The following TCF25 variants were observed in gnomAD, a reference collection of about 807,000 sequenced individuals.
The protein encoded by TCF25 is TCF25 ribosome quality control complex subunit.
TCF25 carries 41 observed loss-of-function variants against 83.1 expected under a neutral mutation model. The ratio of observed to expected loss-of-function variants is 0.49; its 90% CI spans 0.38 to 0.64. TCF25 has a LOEUF of 0.64. Among genes scored for constraint, TCF25 ranks in the 30% least tolerant of loss-of-function variants. TCF25 has a pLI of 0.00. For missense variants in TCF25, 979 were observed against 914.5 expected, an observed-to-expected ratio of 1.07 and a Z score of -0.91; for synonymous variants, 458 against 365.0, an observed-to-expected ratio of 1.25 and a Z score of -2.90.
chr16:89,904,260 G>A, intron 13 of TCF25, 55 bp downstream of exon 13: 3 of 1,541,414 alleles, frequency 1.9e-6, no homozygotes, highest in Non-Finnish European at 2.6e-6. Flanking sequence ...CGGAGCCTGG[G>A]AGCCATTTTC....
At chr16:89,877,800 G>A (rs889050594) in intron 1 of TCF25, among the ~76,000 whole-genome samples, 2 of 152,160 alleles carry the variant, frequency 1.3e-5, no homozygotes, top group African/African-American at 4.8e-5. Flanking sequence ...GATGGGAGAG[G>A]AGTGTTCACA....
intron 12 of TCF25, among the ~76,000 whole-genome samples, chr16:89,902,902 CTCTG>C (rs1315465825): frequency 3.3e-5 from 5 of 152,200 alleles, no homozygotes; most frequent in Non-Finnish European, 4.4e-5. Flanking sequence ...GTTTCCAGGG[CTCTG>C]TCTGGGCCCC....
intron 4 of TCF25, 52 bp downstream of exon 4, chr16:89,886,018 C>A (rs1279416111): frequency 6.8e-7 from 1 of 1,477,390 alleles, no homozygotes; most frequent in Admixed American, 1.7e-5. Context: ...CTGCCCTTCT[C>A]TGCGGCTGCC....
intron 1 of TCF25, chr16:89,878,528 C>G: frequency 8.1e-7 from 1 of 1,234,052 alleles, no homozygotes. Context: ...AACTGAAATG[C>G]TGATCGAGCT....
intron 5 of TCF25, chr16:89,890,367 C>T (rs2043335166): frequency 6.6e-6 from 1 of 152,246 alleles, no homozygotes; most frequent in African/African-American, 2.4e-5. Flanking sequence ...CCAGTGCCTT[C>T]AGTAGAGTTA....
intron 1 of TCF25, among the ~76,000 whole-genome samples, chr16:89,881,379 G>T (rs896891581): frequency 2.6e-5 from 4 of 152,110 alleles, no homozygotes; most frequent in Non-Finnish European, 4.4e-5. Context: ...GAACCTTAGT[G>T]CATCCGATTG....
At chr16:89,904,701 C>T (rs1357379134) in intron 13 of TCF25, 2 of 656,592 alleles carry the variant, frequency 3.0e-6, no homozygotes, top group Non-Finnish European at 5.6e-6. Flanking sequence ...TGCATTTTCA[C>T]ATTTCTGTGA....
At chr16:89,897,234 C>T (rs887055387) in intron 9 of TCF25, among the ~76,000 whole-genome samples, 10 of 152,218 alleles carry the variant, frequency 6.6e-5, no homozygotes, top group East Asian at 1.9e-4. Flanking sequence ...GCTGAGCGAC[C>T]GCATGTGGAG....
Position 89,895,976 on chromosome 16 carries a change from C to T in TCF25, c.929-14C>T, listed in dbSNP as rs1169193681. On this transcript the variant is annotated splice_polypyrimidine_tract_variant and intron_variant, in intron 8 of 17. Transcript: ENST00000263346. Reference sequence around the variant, plus strand: ...TGGCCATGACACCCTCCCCTGGCGTCCCTGTGCCCACAGAGAGAGCGCTGT... The same window carrying T: ...TGGCCATGACACCCTCCCCTGGCGTTCCTGTGCCCACAGAGAGAGCGCTGT... 38 of 1,612,560 alleles carry T rather than the reference C, an allele frequency of 2.4e-5. No individual in the cohort carries two copies. The highest frequency in any genetic ancestry group is 4.0e-5 in the African/African-American group (3 of 74,902).
rs1030477291 is a variant in TCF25 at position 89,910,972 on chromosome 16, G to T, written c.1873-108G>T. The T allele has an allele frequency of 2.0e-6, 3 of 1,472,100 alleles. No individual in the cohort carries two copies. In the African/African-American group the frequency reaches 4.2e-5, roughly 21 times the overall value. 91.2% of individuals were successfully genotyped at this position (1,472,100 alleles called of 1,614,324 possible). A position where few individuals can be genotyped will look rare whatever the true frequency, so the allele number is the denominator to read the frequency against. ...GGACCTGGGGAGGGTTCAGGGTCCG[G>T]TGCTGGGGCAAGGGCCACCTCGGGC... On this transcript the variant is annotated intron_variant, in intron 17 of 17. Coordinates refer to ENST00000263346, the MANE Select transcript of TCF25 (RefSeq NM_014972.3).
chr16:89,896,157 T>C, intron 9 of TCF25, 74 bp downstream of exon 9: 2 of 1,415,272 alleles, frequency 1.4e-6, no homozygotes, highest in Non-Finnish European at 2.0e-6. Context: ...GGAGGTGCAG[T>C]GGGCACCTCA....
At position 89,900,661 on chromosome 16, in the gene TCF25, T is replaced by A; in HGVS notation, c.1248T>A (p.Pro416=). The part of the protein sequence containing the change: ...WEAHRNLSQL[P]NFAFSVPLAY... ...CTCATCGGAACCTGTCCCAGCTCCC[T>A]AATTTTGCCTTCTCTGTTCCACTGG... Residue 416 remains proline (P), a synonymous_variant, in exon 12 of 18, where the codon CCT becomes CCA. Coordinates refer to ENST00000263346, the MANE Select transcript of TCF25 (RefSeq NM_014972.3). The A allele has an allele frequency of 1.3e-6, 2 of 1,597,882 alleles. No individual in the cohort carries two copies. The highest frequency in any genetic ancestry group is 1.7e-6 in the Non-Finnish European group (2 of 1,166,292).
intron 12 of TCF25, among the ~76,000 whole-genome samples, chr16:89,901,754 GA>G (rs1421490320): frequency 2.6e-4 from 2 of 7,796 alleles, no homozygotes; most frequent in East Asian, 3.5e-3. Flanking sequence ...CAAAAAAAAA[GA>G]AAAAAAAAAA....
chr16:89,900,703 C>T lies in TCF25; in HGVS notation c.1290C>T (p.Ser430=), dbSNP rs756217382. The change falls in exon 12 of 18, where the codon AGC becomes AGT. Residue 430 remains serine (S), a synonymous_variant. Coordinates refer to ENST00000263346, the MANE Select transcript of TCF25 (RefSeq NM_014972.3). ...TTCCACTGGCGTATTTCCTGCTGAG[C>T]CAGCAGACAGACCTCCCTGAGTGTG... ...FSVPLAYFLL[S]QQTDLPECEQ... is the part of the protein sequence containing the mutation. 2.5e-6 allele frequency: 4 copies of T among 1,606,426 alleles called. No homozygotes were observed. Among genetic ancestry groups the T allele is most frequent in the Non-Finnish European group, 3.4e-6 (4 of 1,173,536 alleles).
At chr16:89,903,151 G>A (rs1418666615) in intron 12 of TCF25, among the ~76,000 whole-genome samples, 1 of 152,268 alleles carries the variant, frequency 6.6e-6, no homozygotes, top group African/African-American at 2.4e-5. Flanking sequence ...GAGCTGTGCT[G>A]CTGTGTCACA....
chr16:89,895,753 A>G (rs1208941978), intron 8 of TCF25, among the ~76,000 whole-genome samples: 1 of 152,232 alleles, frequency 6.6e-6, no homozygotes, highest in East Asian at 1.9e-4. Flanking sequence ...AGGACGTGGC[A>G]GCAGTTGTGC....
rs752036379 is a variant in TCF25, at chr16:89,898,849, A to G, written c.1198A>G (p.Ile400Val). 6.2e-7 allele frequency: 1 copy of G among 1,613,822 alleles called. No homozygotes were observed. The highest frequency in any genetic ancestry group is 8.5e-7 in the Non-Finnish European group (1 of 1,180,032). Residue 400 changes from isoleucine (I) to valine (V), a missense_variant, in exon 11 of 18, where the codon ATC (isoleucine) becomes GTC (valine). Ile to Val is a conservative substitution (Grantham distance 29). Coordinates refer to ENST00000263346, the MANE Select transcript of TCF25 (RefSeq NM_014972.3). ...GCGGGCCCGGAACTACGAGTACCTG[A>G]TCCGCCTCTTCCAGGAGTGGGAGGT... ...ALRARNYEYL[I>V]RLFQEWEAHR... is the part of the protein sequence containing the mutation.
intron 5 of TCF25, among the ~76,000 whole-genome samples, chr16:89,887,962 C>G (rs2043141194): frequency 6.6e-6 from 1 of 152,200 alleles, no homozygotes; most frequent in South Asian, 2.1e-4. Context: ...ACTGCCTTGT[C>G]CAGCATGAGG....
chr16:89,895,069 A>G lies in TCF25; in HGVS notation c.860A>G (p.Asp287Gly), dbSNP rs746767234. 1 of 1,613,304 alleles carries G rather than the reference A, an allele frequency of 6.2e-7. No individual in the cohort carries two copies. The highest frequency in any genetic ancestry group is 8.5e-7 in the Non-Finnish European group (1 of 1,179,780). ...CTCCAGACGAGCCCTTACCACGTTG[A>G]CTCACTCCTGCAGCTCAGCGATGCC... ...VLLQTSPYHV[D>G]SLLQLSDACR... The change falls in exon 8 of 18, where the codon GAC (aspartate) becomes GGC (glycine). Residue 287 changes from aspartate to glycine, a missense_variant. Asp to Gly is a moderately conservative substitution (Grantham distance 94). Transcript: ENST00000263346.
Sources: gnomAD v4.1 joint callset for allele counts (sites outside exome capture counted in the v4.1 genomes callset) on GRCh38, gnomAD v4.1.1 for gene constraint, MANE v1.5 for transcripts, NCBI Gene and HGNC (gene_info 2026-07-23, HGNC 2026-07-21) for gene names.